The following AVL9 variants were observed in gnomAD, a reference collection of about 807,000 sequenced individuals.
The protein encoded by AVL9 is late secretory pathway protein AVL9 homolog.
AVL9 carries 49 observed loss-of-function variants against 79.2 expected under a neutral mutation model. The observed-to-expected ratio is 0.62, with a 90% CI of 0.49 to 0.79. The LOEUF (loss-of-function observed/expected upper bound fraction) is 0.79, where lower values mean the gene tolerates loss of function less well. Among genes scored for constraint, AVL9 ranks in the 30% least tolerant of loss-of-function variants. AVL9 has a pLI of 0.00. For synonymous variants in AVL9, 299 were observed against 280.6 expected, an observed-to-expected ratio of 1.07 and a Z score of -0.65; for missense variants, 682 against 776.8, an observed-to-expected ratio of 0.88 and a Z score of 1.45.
chr7:32,554,694 AAG>A, intron 8 of AVL9, 98 bp downstream of exon 8: 1 of 814,486 alleles, frequency 1.2e-6, no homozygotes, highest in Non-Finnish European at 1.8e-6. Context: ...ATAAAGTATT[AAG>A]ATACTTTTTG....
chr7:32,528,409 C>G lies in AVL9; in HGVS notation c.94-14732C>G, dbSNP rs1177024978. Among the ~76,000 whole-genome samples the G allele has an allele frequency of 2.6e-5, 4 of 152,270 alleles. No individual in the cohort carries two copies. The East Asian group carries it at 7.7e-4, about 29-fold the overall frequency. Reference sequence around the variant, plus strand: ...CTAAATTGAGACTTGTCTCTTGTCTCAGATACTTTTTGGTTTACAGCTTCT... The same window carrying G: ...CTAAATTGAGACTTGTCTCTTGTCTGAGATACTTTTTGGTTTACAGCTTCT... On this transcript the variant is annotated intron_variant, in intron 1 of 15. Transcript: ENST00000318709.
chr7:32,528,343 G>A (rs1788492622), intron 1 of AVL9, among the ~76,000 whole-genome samples: 1 of 152,226 alleles, frequency 6.6e-6, no homozygotes, highest in Non-Finnish European at 1.5e-5. Flanking sequence ...GACCTCCTGA[G>A]GTTGTCATGG....
At chr7:32,514,678 A>G (rs1787833080) in intron 1 of AVL9, among the ~76,000 whole-genome samples, 1 of 152,154 alleles carries the variant, frequency 6.6e-6, no homozygotes, top group South Asian at 2.1e-4. Flanking sequence ...ACCTTGTGAA[A>G]GTCCTTTTCC....
At chr7:32,548,042 G>A (rs1266065532) in intron 3 of AVL9, among the ~76,000 whole-genome samples, 1 of 152,150 alleles carries the variant, frequency 6.6e-6, no homozygotes, top group Non-Finnish European at 1.5e-5. Context: ...GTTTGGTGCT[G>A]GGCGCCAATA....
At chr7:32,507,674 C>T (rs1787467859) in intron 1 of AVL9, among the ~76,000 whole-genome samples, 1 of 152,164 alleles carries the variant, frequency 6.6e-6, no homozygotes, top group South Asian at 2.1e-4. Flanking sequence ...GTTGTTTCAT[C>T]ATGGGCATTA....
chr7:32,548,571 T>G (rs558583297), intron 3 of AVL9, among the ~76,000 whole-genome samples: 13 of 145,654 alleles, frequency 8.9e-5, no homozygotes, highest in African/African-American at 3.4e-4. Flanking sequence ...GCCTGGTGAC[T>G]TATACATAAA....
intron 13 of AVL9, among the ~76,000 whole-genome samples, chr7:32,577,048 A>G (rs1392357720): frequency 1.3e-5 from 2 of 152,012 alleles, no homozygotes; most frequent in Non-Finnish European, 2.9e-5. Flanking sequence ...AAATTAAAAG[A>G]TAAGGCCAGG....
At chr7:32,556,533 A>ATGAATGAC (rs557143712) in intron 8 of AVL9, among the ~76,000 whole-genome samples, 1 of 152,144 alleles carries the variant, frequency 6.6e-6, no homozygotes, top group East Asian at 1.9e-4. Flanking sequence ...GAATGAATGA[A>ATGAATGAC]TGAATGAATG....
chr7:32,558,499 G>T, intron 8 of AVL9, 60 bp from the exon 9 acceptor site: 2 of 1,281,530 alleles, frequency 1.6e-6, no homozygotes, highest in Non-Finnish European at 2.2e-6. Context: ...TTTTTTATTT[G>T]TTATCATTAT....
At chr7:32,505,804 C>A (rs1224301550) in intron 1 of AVL9, among the ~76,000 whole-genome samples, 1 of 152,066 alleles carries the variant, frequency 6.6e-6, no homozygotes, top group Admixed American at 6.6e-5. Flanking sequence ...ACATACTGTT[C>A]TAAGCAAACA....
chr7:32,578,636 T>C (rs540815004), intron 13 of AVL9, among the ~76,000 whole-genome samples: 3 of 152,164 alleles, frequency 2.0e-5, no homozygotes, highest in Non-Finnish European at 4.4e-5. Flanking sequence ...GGTGAAACCC[T>C]GTCTCTACTA....
chr7:32,513,437 C>T (rs577201977), intron 1 of AVL9, among the ~76,000 whole-genome samples: 28 of 152,310 alleles, frequency 1.8e-4, no homozygotes, highest in African/African-American at 5.8e-4. Flanking sequence ...ATAAAACCTC[C>T]GCAACCCCTT....
At chr7:32,582,225 A>T (rs1459717099) in intron 15 of AVL9, among the ~76,000 whole-genome samples, 5 of 152,230 alleles carry the variant, frequency 3.3e-5, no homozygotes, top group Non-Finnish European at 7.3e-5. Context: ...GCTTTGTCAT[A>T]CAATGTGTTG....
intron 1 of AVL9, among the ~76,000 whole-genome samples, chr7:32,505,221 A>C (rs1297616642): frequency 6.6e-6 from 1 of 151,818 alleles, no homozygotes; most frequent in Non-Finnish European, 1.5e-5. Context: ...TCTAATTTAA[A>C]AGTTTTAGAA....
intron 1 of AVL9, among the ~76,000 whole-genome samples, chr7:32,525,366 A>G (rs1294069066): frequency 1.3e-5 from 2 of 152,008 alleles, no homozygotes; most frequent in Non-Finnish European, 2.9e-5. Flanking sequence ...GCATATTTTT[A>G]GGTAAAGTTC....
intron 1 of AVL9, among the ~76,000 whole-genome samples, chr7:32,525,642 G>C (rs891599506): frequency 6.6e-6 from 1 of 152,108 alleles, no homozygotes; most frequent in Non-Finnish European, 1.5e-5. Flanking sequence ...AATCTCTAGA[G>C]AGTATCAGAT....
At chr7:32,582,048 G>A (rs1791534066) in intron 15 of AVL9, among the ~76,000 whole-genome samples, 1 of 152,010 alleles carries the variant, frequency 6.6e-6, no homozygotes, top group African/African-American at 2.4e-5. Flanking sequence ...AGCTGTTTTC[G>A]CTTAAAATAT....
rs745474789 is a variant in AVL9 at position 32,573,364 on chromosome 7, C to T, written c.1516C>T (p.Arg506Trp). ...CTGGGAGGGAGGTGACGAATGGATC[C>T]GGGCCCAGTTTGCGGTCTACATTCA... ...TGWEGGDEWI[R>W]AQFAVYIHAL... The change falls in exon 12 of 16, where the codon CGG becomes TGG. Residue 506 changes from arginine to tryptophan, a missense_variant. Physicochemically the swap from Arg to Trp is moderately radical, Grantham distance 101. Transcript: ENST00000318709. The T allele has an allele frequency of 1.5e-5, 24 of 1,613,562 alleles. No individual in the cohort carries two copies. Among genetic ancestry groups the T allele is most frequent in the East Asian group, 2.2e-5 (1 of 44,894 alleles).
At position 32,551,207 on chromosome 7, in the gene AVL9, T is replaced by G. The variant is rs1789800124; in HGVS notation, c.373-127T>G. On this transcript the variant is annotated intron_variant, in intron 4 of 15. Transcript: ENST00000318709. ...AACTATGAATAATACGCACTAAAGT[T>G]GATAGTTACTAACTTTTTTCTCCAA... The G allele has an allele frequency of 1.4e-5, 9 of 638,834 alleles. No homozygotes were observed. The South Asian group carries it at 1.8e-4, about 13-fold the overall frequency. The allele number at this position is 638,834 out of a possible 1,614,324, so 39.6% of individuals were successfully genotyped here. A position where few individuals can be genotyped will look rare whatever the true frequency, so the allele number is the denominator to read the frequency against.
Sources: gnomAD v4.1 joint callset for allele counts (sites outside exome capture counted in the v4.1 genomes callset) on GRCh38, gnomAD v4.1.1 for gene constraint, MANE v1.5 for transcripts, NCBI Gene and HGNC (gene_info 2026-07-23, HGNC 2026-07-21) for gene names.